The following ENTREP2 variants were observed in gnomAD, a reference collection of about 807,000 sequenced individuals.
ENTREP2 encodes the protein endosomal transmembrane epsin interactor 2, also known as protein ENTREP2.
At chr15:29,123,120 G>C in the ENTREP2 span, 3 of 529,884 alleles carry the variant, frequency 5.7e-6, no homozygotes, top group African/African-American at 5.6e-5. Context: ...TACTGGGCTA[G>C]GCAGGAAATG....
At chr15:29,539,674 G>C in the ENTREP2 span, among the ~76,000 whole-genome samples, 2 of 152,100 alleles carry the variant, frequency 1.3e-5, no homozygotes, top group Non-Finnish European at 2.9e-5. Context: ...TGACTTCCAA[G>C]CAACAGAATC....
chr15:29,664,817 T>C, the ENTREP2 span, among the ~76,000 whole-genome samples: 197 of 152,324 alleles, frequency 1.3e-3, no homozygotes, highest in African/African-American at 4.6e-3. Context: ...TTCTGCCTTT[T>C]CTGTTTCTGG....
At chr15:29,674,710 G>A in the ENTREP2 span, among the ~76,000 whole-genome samples, 7 of 151,100 alleles carry the variant, frequency 4.6e-5, no homozygotes, top group East Asian at 2.0e-4. Flanking sequence ...ATGCCGGGGG[G>A]GCGGAGGGAA....
the ENTREP2 span, chr15:29,118,386 C>T: frequency 0.068 from 10,359 of 152,296 alleles, 515 homozygotes; most frequent in East Asian, 0.21. Context: ...AGCTTGGATG[C>T]GGCTCTGCAA....
chr15:29,652,832 C>T, the ENTREP2 span, among the ~76,000 whole-genome samples: 1 of 152,226 alleles, frequency 6.6e-6, no homozygotes, highest in African/African-American at 2.4e-5. Flanking sequence ...CTGGCTCAAC[C>T]TTGGCAGCCG....
chr15:29,489,350 A>G, the ENTREP2 span, among the ~76,000 whole-genome samples: 1 of 152,336 alleles, frequency 6.6e-6, no homozygotes, highest in African/African-American at 2.4e-5. Flanking sequence ...AGACTAAACC[A>G]TATGGAACCA....
At chr15:29,624,292 CTT>C in the ENTREP2 span, among the ~76,000 whole-genome samples, 1 of 152,148 alleles carries the variant, frequency 6.6e-6, no homozygotes, top group Admixed American at 6.5e-5. Flanking sequence ...TGATTTATCT[CTT>C]TCCTTCTGTC....
the ENTREP2 span, among the ~76,000 whole-genome samples, chr15:29,277,019 A>C: frequency 6.6e-6 from 1 of 152,200 alleles, no homozygotes; most frequent in Non-Finnish European, 1.5e-5. Flanking sequence ...AGGGAGAGAC[A>C]AATTATGAAG....
At chr15:29,572,807 G>T in the ENTREP2 span, among the ~76,000 whole-genome samples, 4 of 151,650 alleles carry the variant, frequency 2.6e-5, no homozygotes, top group South Asian at 8.4e-4. Context: ...TCAGTGTTAT[G>T]GAGACTACAC....
the ENTREP2 span, among the ~76,000 whole-genome samples, chr15:29,605,687 C>G: frequency 6.2e-5 from 9 of 146,140 alleles, no homozygotes; most frequent in African/African-American, 2.4e-4. Context: ...AATACAAAAA[C>G]TAGCTGGGCA....
the ENTREP2 span, among the ~76,000 whole-genome samples, chr15:29,365,571 T>C: frequency 6.6e-6 from 1 of 152,112 alleles, no homozygotes; most frequent in African/African-American, 2.4e-5. Flanking sequence ...TATTGTCTAA[T>C]GTACCACAGT....
At chr15:29,516,747 A>G in the ENTREP2 span, among the ~76,000 whole-genome samples, 1 of 152,186 alleles carries the variant, frequency 6.6e-6, no homozygotes, top group East Asian at 1.9e-4. Flanking sequence ...TATTTTCTCT[A>G]TTCTTTTCTG....
At chr15:29,401,278 C>G in the ENTREP2 span, among the ~76,000 whole-genome samples, 76 of 151,210 alleles carry the variant, frequency 5.0e-4, no homozygotes, top group South Asian at 0.015. Flanking sequence ...AATACATAAA[C>G]AGACAAAAGG....
At chr15:29,129,653 C>T in the ENTREP2 span, among the ~76,000 whole-genome samples, 1 of 152,102 alleles carries the variant, frequency 6.6e-6, no homozygotes, top group Admixed American at 6.5e-5. Context: ...CTGCTTTTTT[C>T]AGCTTTCTTC....
chr15:29,532,840 T>C, the ENTREP2 span, among the ~76,000 whole-genome samples: 4 of 152,222 alleles, frequency 2.6e-5, no homozygotes, highest in Admixed American at 2.0e-4. Context: ...GAAATATTTA[T>C]GAAACATACA....
At chr15:29,401,765 T>C in the ENTREP2 span, among the ~76,000 whole-genome samples, 3 of 152,190 alleles carry the variant, frequency 2.0e-5, no homozygotes, top group African/African-American at 7.2e-5. Flanking sequence ...TAAAAAGACT[T>C]CGGTATTTAC....
the ENTREP2 span, among the ~76,000 whole-genome samples, chr15:29,326,284 ACTGT>A: frequency 2.0e-5 from 3 of 152,282 alleles, no homozygotes; most frequent in East Asian, 3.9e-4. Flanking sequence ...CAGAAATAAA[ACTGT>A]CTTTGTTCAT....
the ENTREP2 span, among the ~76,000 whole-genome samples, chr15:29,652,063 C>A: frequency 2.6e-5 from 4 of 152,190 alleles, no homozygotes; most frequent in Admixed American, 2.0e-4. Context: ...TGCACTTCCC[C>A]ACCCTGAGGC....
the ENTREP2 span, among the ~76,000 whole-genome samples, chr15:29,224,324 G>C: frequency 2.6e-5 from 4 of 152,278 alleles, no homozygotes; most frequent in East Asian, 5.8e-4. Flanking sequence ...TGGACCCAAA[G>C]AGTGAGCAGC....
Sources: gnomAD v4.1 joint callset for allele counts (sites outside exome capture counted in the v4.1 genomes callset) on GRCh38, gnomAD v4.1.1 for gene constraint, MANE v1.5 for transcripts, NCBI Gene and HGNC (gene_info 2026-07-23, HGNC 2026-07-21) for gene names.